Variants in PSMF1 observed in about 807,000 individuals in gnomAD.
PSMF1 encodes proteasome inhibitor subunit 1.
In PSMF1, 30 loss-of-function variants were observed where a neutral mutation model predicts 29.3. The observed-to-expected ratio is 1.02, with a 90% CI of 0.77 to 1.39. The LOEUF (loss-of-function observed/expected upper bound fraction) is 1.39. Ranked by LOEUF, PSMF1 falls within the 40% of genes most tolerant of loss-of-function variation. The probability of loss-of-function intolerance (pLI) is 0.00; values close to 1 mark genes in which losing one functional copy is unlikely to be tolerated. For synonymous variants in PSMF1, 134 were observed against 139.7 expected, an observed-to-expected ratio of 0.96 and a Z score of 0.29; for missense variants, 344 against 357.5, an observed-to-expected ratio of 0.96 and a Z score of 0.31.
intron 4 of PSMF1, among the ~76,000 whole-genome samples, chr20:1,161,969 G>A (rs2086672849): frequency 6.6e-6 from 1 of 152,170 alleles, no homozygotes; most frequent in South Asian, 2.1e-4. Flanking sequence ...ATGTGGTTTG[G>A]TCACTTCATG....
rs1393651145 is a variant in PSMF1, at chr20:1,167,612, ATGGCCTTTTG to A, written c.*2535_*2544del. On this transcript the variant is annotated 3_prime_UTR_variant, in exon 7 of 7. Transcript: ENST00000335877. ...CTCATAAGTGGAATCACTCAGTATT[ATGGCCTTTTG>A]TGTCTGGCTTCTTTCATTTCATGTG... The A allele has an allele frequency of 6.6e-6, 1 of 150,544 alleles. No individual in the cohort carries two copies. The highest frequency in any genetic ancestry group is 1.5e-5 in the Non-Finnish European group (1 of 67,722). 9.3% of individuals were successfully genotyped at this position (150,544 alleles called of 1,614,324 possible). A position where few individuals can be genotyped will look rare whatever the true frequency, so the allele number is the denominator to read the frequency against.
chr20:1,161,344 T>C, intron 4 of PSMF1: 1 of 337,466 alleles, frequency 3.0e-6, no homozygotes, highest in Non-Finnish European at 5.5e-6. Context: ...TTCCAGTGTT[T>C]GGAGGTGTTG....
In PSMF1 at chr20:1,169,845, C is replaced by T. The variant is rs910444170; in HGVS notation, c.*4765C>T. On this transcript the variant is annotated 3_prime_UTR_variant, in exon 7 of 7. Transcript: ENST00000335877. ...TATTGGGGAGATGTCTTTATTCCCT[C>T]TTCCCACCTTTCCTGGAAGGTGCAC... is the stretch of plus-strand genomic sequence containing the variant. Among the ~76,000 whole-genome samples, 4 of 152,214 alleles carry T rather than the reference C, an allele frequency of 2.6e-5. No individual in the cohort carries two copies. The highest frequency in any genetic ancestry group is 5.9e-5 in the Non-Finnish European group (4 of 68,036).
At chr20:1,121,868 T>C (rs1479235073) in intron 1 of PSMF1, among the ~76,000 whole-genome samples, 1 of 152,134 alleles carries the variant, frequency 6.6e-6, no homozygotes, top group African/African-American at 2.4e-5. Flanking sequence ...ACAAGAACTT[T>C]ACAGCTTTGT....
rs922839762 is a variant in PSMF1 at position 1,170,883 on chromosome 20, T to G, written c.*5803T>G. Among the ~76,000 whole-genome samples, 2 of 151,794 alleles carry G rather than the reference T, an allele frequency of 1.3e-5. No homozygotes were observed. Among genetic ancestry groups the G allele is most frequent in the East Asian group, 3.9e-4 (2 of 5,174 alleles). Reference sequence around the variant, plus strand: ...TCAGGTGCACACAGCGTGCTAGGCTTCTCCTCATCGCATGTAGTACCCCTG... The same window carrying G: ...TCAGGTGCACACAGCGTGCTAGGCTGCTCCTCATCGCATGTAGTACCCCTG... On this transcript the variant is annotated 3_prime_UTR_variant, in exon 7 of 7. Coordinates refer to ENST00000335877, the MANE Select transcript of PSMF1 (RefSeq NM_006814.5).
At position 1,127,521 on chromosome 20, in the gene PSMF1, G is replaced by C; in HGVS notation, c.365+13G>C. 6.4e-7 allele frequency: 1 copy of C among 1,558,274 alleles called. No individual in the cohort carries two copies. The highest frequency in any genetic ancestry group is 8.9e-7 in the Non-Finnish European group (1 of 1,129,178). The stretch of plus-strand genomic sequence containing the variant: ...GTGACTTCCACAGGTACTTCTAAAT[G>C]ATGTCTCTTCCCTGGGAAAAAGAAG... On this transcript the variant is annotated intron_variant, in intron 3 of 6. Coordinates refer to ENST00000335877, the MANE Select transcript of PSMF1 (RefSeq NM_006814.5).
intron 1 of PSMF1, among the ~76,000 whole-genome samples, chr20:1,122,303 T>C (rs2086098971): frequency 6.7e-6 from 1 of 149,140 alleles, no homozygotes; most frequent in Non-Finnish European, 1.5e-5. Context: ...TTCTTTTTTT[T>C]TTTTTTTTTT....
At chr20:1,149,160 T>C (rs6032947) in intron 4 of PSMF1, among the ~76,000 whole-genome samples, 18,133 of 152,272 alleles carry the variant, frequency 0.12, 1,205 homozygotes, top group African/African-American at 0.17. Flanking sequence ...GCCTTTCACA[T>C]ATCAGTTGTT....
At chr20:1,153,768 A>G (rs1320205535) in intron 4 of PSMF1, among the ~76,000 whole-genome samples, 2 of 152,206 alleles carry the variant, frequency 1.3e-5, no homozygotes, top group African/African-American at 2.4e-5. Context: ...AAGTCTCATT[A>G]GCTTGAAGGA....
Position 1,164,450 on chromosome 20 carries a change from T to C in PSMF1, c.738T>C (p.Phe246=). ...AVPPGARFDP[F]GPIGTSPPGP... is the part of the protein sequence containing the mutation. ...CCCCAGGAGCTCGCTTTGACCCCTT[T>C]GGACCCATTGGGACCAGCCCACCCG... The change falls in exon 6 of 7, where the codon TTT becomes TTC. Residue 246 remains phenylalanine, a synonymous_variant. Coordinates refer to ENST00000335877, the MANE Select transcript of PSMF1 (RefSeq NM_006814.5). This position sits in a 1 kb window ranked among gnomAD's most constrained non-coding sequence, Gnocchi z 4.1. The C allele has an allele frequency of 6.2e-7, 1 of 1,614,150 alleles. No individual in the cohort carries two copies. Among genetic ancestry groups the C allele is most frequent in the Non-Finnish European group, 8.5e-7 (1 of 1,180,018 alleles).
intron 4 of PSMF1, among the ~76,000 whole-genome samples, chr20:1,141,961 G>A (rs1283687059): frequency 6.6e-6 from 1 of 152,246 alleles, no homozygotes; most frequent in East Asian, 1.9e-4. Context: ...GCTCACGCCT[G>A]TAATCCCAGC....
rs200701416 is a variant in PSMF1, at chr20:1,123,503, CTCATTT to C, written c.130-1993_130-1988del. On this transcript the variant is annotated intron_variant, in intron 1 of 6. Coordinates refer to ENST00000335877, the MANE Select transcript of PSMF1 (RefSeq NM_006814.5). ...ACATAAGTGGTACTGGAGTGTAAAC[CTCATTT>C]TTTGGGGAACTTTTCTTTAAATCAT... Among the ~76,000 whole-genome samples the C allele has an allele frequency of 8.3e-4, 126 of 152,106 alleles. 1 individual carries two copies. The East Asian group carries it at 0.022, about 27-fold the overall frequency.
At position 1,164,925 on chromosome 20, in the gene PSMF1, C is replaced by A; in HGVS notation, c.765-104C>A. 1 of 1,024,060 alleles carries A rather than the reference C, an allele frequency of 9.8e-7. No individual in the cohort carries two copies. The highest frequency in any genetic ancestry group is 1.5e-6 in the Non-Finnish European group (1 of 656,044). The allele number at this position is 1,024,060 out of a possible 1,614,324, so 63.4% of individuals were successfully genotyped here. On this transcript the variant is annotated intron_variant, in intron 6 of 6. Coordinates refer to ENST00000335877, the MANE Select transcript of PSMF1 (RefSeq NM_006814.5). The surrounding 1 kb of genome is among the most constrained non-coding windows in gnomAD (Gnocchi z 4.1). ...CATGTGTTTAAATTCCTCACACCGCCACATCATGTTGAAGGGCAGGCTCCC... is the reference window on the plus strand; with the variant it reads ...CATGTGTTTAAATTCCTCACACCGCAACATCATGTTGAAGGGCAGGCTCCC...
Position 1,157,051 on chromosome 20 carries a change from A to G in PSMF1, c.552-6079A>G, listed in dbSNP as rs368677426. ...GCAAGGAGAGCCGGTCTGAGTCCCA[A>G]AACTGAAGAACTTGGAGTCCGATGT... On this transcript the variant is annotated intron_variant, in intron 4 of 6. Transcript: ENST00000335877. Among the ~76,000 whole-genome samples, 856 of 152,330 alleles carry G rather than the reference A, an allele frequency of 5.6e-3. 11 individuals are homozygous for G. The highest frequency in any genetic ancestry group is 0.019 in the African/African-American group (794 of 41,552).
chr20:1,139,445 C>CT (rs2086352296), intron 4 of PSMF1, among the ~76,000 whole-genome samples: 1 of 152,156 alleles, frequency 6.6e-6, no homozygotes, highest in African/African-American at 2.4e-5. Flanking sequence ...AAAAATACCT[C>CT]TATTTGTCAA....
At position 1,135,264 on chromosome 20, in the gene PSMF1, G is replaced by A. The variant is rs750336934; in HGVS notation, c.509G>A (p.Arg170Gln). 3.7e-6 allele frequency: 6 copies of A among 1,613,860 alleles called. No individual in the cohort carries two copies. Among genetic ancestry groups the A allele is most frequent in the South Asian group, 3.3e-5 (3 of 91,056 alleles). The change falls in exon 4 of 7, where the codon CGG becomes CAG. Residue 170 changes from arginine (R) to glutamine (Q), a missense_variant. By Grantham distance (43) the Arg-to-Gln change is conservative. Coordinates refer to ENST00000335877, the MANE Select transcript of PSMF1 (RefSeq NM_006814.5). Reference protein sequence around the residue: ...PATAREVDPLRIPPHHPHTSR... With the variant: ...PATAREVDPLQIPPHHPHTSR... ...ACCGCCAGAGAGGTGGACCCACTCC[G>A]GATTCCTCCACACCACCCACACACC...
At chr20:1,119,309 C>T (rs1438570899) in intron 1 of PSMF1, among the ~76,000 whole-genome samples, 1 of 152,162 alleles carries the variant, frequency 6.6e-6, no homozygotes, top group Non-Finnish European at 1.5e-5. Flanking sequence ...TGACTCAGTT[C>T]CGCCCTCATA....
At chr20:1,148,889 G>A (rs1293648966) in intron 4 of PSMF1, among the ~76,000 whole-genome samples, 3 of 151,930 alleles carry the variant, frequency 2.0e-5, no homozygotes, top group African/African-American at 7.3e-5. Context: ...GTTATATGTA[G>A]CAATATTTAC....
At position 1,157,806 on chromosome 20, in the gene PSMF1, C is replaced by A. The variant is rs1005823419; in HGVS notation, c.552-5324C>A. 2.0e-5 allele frequency among the ~76,000 whole-genome samples: 3 copies of A among 151,412 alleles called. No individual in the cohort carries two copies. The East Asian group carries it at 5.9e-4, about 30-fold the overall frequency. On this transcript the variant is annotated intron_variant, in intron 4 of 6. Coordinates refer to ENST00000335877, the MANE Select transcript of PSMF1 (RefSeq NM_006814.5). ...TGACCCAAAAAGGGTCACTTCATTCCTGAAGGGTCTGGATCATTTGTAGTC... is the reference window on the plus strand; with the variant it reads ...TGACCCAAAAAGGGTCACTTCATTCATGAAGGGTCTGGATCATTTGTAGTC...
Sources: gnomAD v4.1 joint callset for allele counts (sites outside exome capture counted in the v4.1 genomes callset) on GRCh38, gnomAD v4.1.1 for gene constraint, Gnocchi (gnomAD v3.1) non-coding constraint, MANE v1.5 for transcripts, NCBI Gene and HGNC (gene_info 2026-07-23, HGNC 2026-07-21) for gene names.